Variants in HSD17B14 observed in about 807,000 individuals in gnomAD.
The protein encoded by HSD17B14 is hydroxysteroid 17-beta dehydrogenase 14, also known as L-fucose dehydrogenase.
A neutral mutation model predicts 32.2 loss-of-function variants in HSD17B14; 32 were observed. The ratio of observed to expected loss-of-function variants is 0.99; its 90% CI spans 0.75 to 1.33. The LOEUF is 1.33. Ranked by LOEUF, HSD17B14 falls within the 40% of genes most tolerant of loss-of-function variation. The pLI is 0.00. For missense variants in HSD17B14, 370 were observed against 366.5 expected, an observed-to-expected ratio of 1.01 and a Z score of -0.08; for synonymous variants, 140 against 155.4, an observed-to-expected ratio of 0.90 and a Z score of 0.74.
intron 5 of HSD17B14, among the ~76,000 whole-genome samples, chr19:48,818,580 C>T (rs566616733): frequency 7.9e-5 from 12 of 152,140 alleles, no homozygotes; most frequent in East Asian, 7.7e-4. Flanking sequence ...GGCTGAGACA[C>T]GGATCTTGCC....
Position 48,836,448 on chromosome 19 carries a change from G to A in HSD17B14, c.-37C>T. On this transcript the variant is annotated 5_prime_UTR_variant, in exon 1 of 9. Transcript: ENST00000263278. The stretch of plus-strand genomic sequence containing the variant: ...CGGTCTCTCTCTCTCTCTACTCTGG[G>A]CCTCTTTCACCTCCAAAGCCCCGTG... The A allele has an allele frequency of 1.2e-6, 2 of 1,601,362 alleles. No individual in the cohort carries two copies. The highest frequency in any genetic ancestry group is 2.7e-5 in the African/African-American group (2 of 74,814).
chr19:48,832,532 C>G (rs1599843454), intron 4 of HSD17B14, 134 bp downstream of exon 4: 1 of 796,038 alleles, frequency 1.3e-6, no homozygotes, highest in Non-Finnish European at 2.1e-6. Context: ...TTGCTTTACT[C>G]TCCTGTCCAA....
chr19:48,836,205 C>T (rs1367877593), intron 1 of HSD17B14, 119 bp downstream of exon 1: 1 of 1,095,504 alleles, frequency 9.1e-7, no homozygotes, highest in Admixed American at 2.2e-5. Context: ...TGCAAATTGG[C>T]TTTTATAATA....
chr19:48,824,754 G>A (rs2035215641), intron 5 of HSD17B14, among the ~76,000 whole-genome samples: 1 of 138,932 alleles, frequency 7.2e-6, no homozygotes, highest in South Asian at 2.3e-4. Context: ...GACAGAGCAA[G>A]ACTCTAAAGA....
intron 5 of HSD17B14, among the ~76,000 whole-genome samples, chr19:48,824,545 CG>C (rs1230804830): frequency 1.3e-5 from 2 of 151,530 alleles, no homozygotes; most frequent in Non-Finnish European, 2.9e-5. Flanking sequence ...CTGAAGCAGG[CG>C]GATCACGAGG....
At position 48,827,886 on chromosome 19, in the gene HSD17B14, G is replaced by A. The variant is rs186176330; in HGVS notation, c.369+3782C>T. Among the ~76,000 whole-genome samples, 335 of 135,042 alleles carry A rather than the reference G, an allele frequency of 2.5e-3. 4 individuals carry two copies. Among genetic ancestry groups the A allele is most frequent in the East Asian group, 0.012 (55 of 4,782 alleles). The allele number at this position is 135,042 out of a possible 152,430, so 88.6% of individuals were successfully genotyped here. On this transcript the variant is annotated intron_variant, in intron 5 of 8. Coordinates refer to ENST00000263278, the MANE Select transcript of HSD17B14 (RefSeq NM_016246.3). ...TTTTTTTTTTTTGAGACGGAGTCTC[G>A]CTCTATTGCCCAGGCTGGAGTGCAG...
intron 1 of HSD17B14, among the ~76,000 whole-genome samples, 177 bp downstream of exon 1, chr19:48,836,147 C>G (rs2035508323): frequency 1.3e-5 from 2 of 152,144 alleles, no homozygotes; most frequent in Admixed American, 6.6e-5. Flanking sequence ...CTTCGGAGAC[C>G]CTGCCAGACT....
chr19:48,826,505 A>G (rs1317839989), intron 5 of HSD17B14, among the ~76,000 whole-genome samples: 1 of 122,414 alleles, frequency 8.2e-6, no homozygotes, highest in Non-Finnish European at 1.7e-5. Flanking sequence ...AAAAAAAAAA[A>G]AAAAAGTAAA....
In HSD17B14 at chr19:48,832,685, A is replaced by C; in HGVS notation, c.258T>G (p.Val86=). ...TIRRFGRLDC[V]VNNAGHHPPP... is the part of the protein sequence containing the mutation. ...ACTCACGGTGGCCAGCGTTGTTGACAACACAATCCAGGCGGCCAAATCGGC... is the reference window on the plus strand; with the variant it reads ...ACTCACGGTGGCCAGCGTTGTTGACCACACAATCCAGGCGGCCAAATCGGC... Residue 86 remains valine (V), a synonymous_variant, in exon 4 of 9, where the codon GTT becomes GTG. Coordinates refer to ENST00000263278, the MANE Select transcript of HSD17B14 (RefSeq NM_016246.3). The C allele has an allele frequency of 6.2e-7, 1 of 1,613,388 alleles. No individual in the cohort carries two copies. The highest frequency in any genetic ancestry group is 8.5e-7 in the Non-Finnish European group (1 of 1,179,896).
chr19:48,826,559 A>ACAC (rs1238782688), intron 5 of HSD17B14, among the ~76,000 whole-genome samples: 1 of 138,244 alleles, frequency 7.2e-6, no homozygotes, highest in Non-Finnish European at 1.6e-5. Flanking sequence ...ACACACACAC[A>ACAC]CACACACACA....
intron 5 of HSD17B14, among the ~76,000 whole-genome samples, chr19:48,828,875 C>T (rs1260752279): frequency 6.6e-6 from 1 of 151,958 alleles, no homozygotes; most frequent in African/African-American, 2.4e-5. Flanking sequence ...GCCTGGCCAA[C>T]ATGGTGAAAC....
chr19:48,822,893 G>A (rs893498043), intron 5 of HSD17B14, among the ~76,000 whole-genome samples: 23 of 152,056 alleles, frequency 1.5e-4, no homozygotes, highest in African/African-American at 5.6e-4. Flanking sequence ...TGAGGATGAC[G>A]GTGAGAATGA....
intron 5 of HSD17B14, among the ~76,000 whole-genome samples, chr19:48,825,709 C>T (rs1223567036): frequency 2.6e-5 from 4 of 152,078 alleles, no homozygotes; most frequent in South Asian, 2.1e-4. Flanking sequence ...AGAAATGTTG[C>T]GTAACTTGCA....
At chr19:48,833,082 T>C (rs1487904059) in intron 3 of HSD17B14, among the ~76,000 whole-genome samples, 2 of 150,584 alleles carry the variant, frequency 1.3e-5, no homozygotes, top group Non-Finnish European at 3.0e-5. Flanking sequence ...GTAGATGGGG[T>C]GTCCAGCCAT....
chr19:48,824,411 G>A (rs547879497), intron 5 of HSD17B14, among the ~76,000 whole-genome samples: 4 of 148,844 alleles, frequency 2.7e-5, no homozygotes, highest in Non-Finnish European at 5.9e-5. Flanking sequence ...TCACCAGCTG[G>A]GAAGACAAGG....
At position 48,813,274 on chromosome 19, in the gene HSD17B14, G is replaced by C. The variant is rs1192835946; in HGVS notation, c.714C>G (p.Cys238Trp). Residue 238 changes from cysteine to tryptophan, a missense_variant, in exon 9 of 9, where the codon TGC becomes TGG. Cys to Trp is a radical substitution (Grantham distance 215). Coordinates refer to ENST00000263278, the MANE Select transcript of HSD17B14 (RefSeq NM_016246.3). Reference sequence around the variant, plus strand: ...CCGTCACGAGCAGTTCAATGCCCGTGCAGAAGTTGGCTTCGGAGGCCAGGA... The same window carrying C: ...CCGTCACGAGCAGTTCAATGCCCGTCCAGAAGTTGGCTTCGGAGGCCAGGA... ...AVFLASEANFCTGIELLVTGG... is the reference protein window; with the variant it reads ...AVFLASEANFWTGIELLVTGG... 3 of 1,605,818 alleles carry C rather than the reference G, an allele frequency of 1.9e-6. No homozygotes were observed. The highest frequency in any genetic ancestry group is 2.6e-6 in the Non-Finnish European group (3 of 1,176,360).
intron 5 of HSD17B14, among the ~76,000 whole-genome samples, chr19:48,819,903 C>G (rs1263505955): frequency 6.6e-6 from 1 of 151,704 alleles, no homozygotes; most frequent in African/African-American, 2.4e-5. Context: ...ATCCCAGCAT[C>G]TGGGGAGGCT....
intron 5 of HSD17B14, 103 bp downstream of exon 5, chr19:48,831,565 A>G: frequency 1.2e-6 from 1 of 862,072 alleles, no homozygotes; most frequent in Non-Finnish European, 2.0e-6. Flanking sequence ...ACAAACAAAC[A>G]AATAAAAAGA....
At chr19:48,816,022 GAAAAAAAA>G (rs71179053) in intron 5 of HSD17B14, among the ~76,000 whole-genome samples, 4 of 74,310 alleles carry the variant, frequency 5.4e-5, no homozygotes, top group East Asian at 4.5e-4. Context: ...CTCCGTTTCA[GAAAAAAAA>G]AAAAAAAAAA....
Sources: allele counts gnomAD v4.1 joint callset (sites outside exome capture counted in the v4.1 genomes callset), GRCh38; gene constraint gnomAD v4.1.1; transcripts MANE v1.5; gene names NCBI Gene and HGNC (gene_info 2026-07-23, HGNC 2026-07-21).